Variants in UVRAG observed in about 807,000 individuals in gnomAD.
UVRAG encodes the protein UV radiation resistance associated.
A neutral mutation model predicts 78.0 loss-of-function variants in UVRAG; 19 were observed. The ratio of observed to expected loss-of-function variants is 0.24; its 90% CI spans 0.17 to 0.36. The LOEUF (loss-of-function observed/expected upper bound fraction) is 0.36, where lower values mean the gene tolerates loss of function less well. Ranked by LOEUF, UVRAG falls within the 10% of genes least tolerant of loss-of-function variation. The pLI is 1.00. For synonymous variants in UVRAG, 323 were observed against 324.6 expected, an observed-to-expected ratio of 1.00 and a Z score of 0.05; for missense variants, 740 against 853.8, an observed-to-expected ratio of 0.87 and a Z score of 1.66.
intron 12 of UVRAG, among the ~76,000 whole-genome samples, chr11:76,050,500 A>G (rs1950844097): frequency 6.6e-6 from 1 of 152,200 alleles, no homozygotes; most frequent in South Asian, 2.1e-4. Context: ...TTCAGGAAGT[A>G]AGACATTTGT....
intron 14 of UVRAG, among the ~76,000 whole-genome samples, chr11:76,116,742 GT>G (rs1424653311): frequency 1.3e-5 from 2 of 152,238 alleles, no homozygotes; most frequent in African/African-American, 4.8e-5. Context: ...GGCCTGTAGA[GT>G]TAGACAGCTG....
chr11:76,129,547 A>T (rs764646396), intron 14 of UVRAG, among the ~76,000 whole-genome samples: 1 of 152,126 alleles, frequency 6.6e-6, no homozygotes, highest in Non-Finnish European at 1.5e-5. Context: ...GCGTTTTTCT[A>T]CCAGTCTTCC....
chr11:75,843,312 G>A (rs1023059342), intron 1 of UVRAG, among the ~76,000 whole-genome samples: 1 of 152,112 alleles, frequency 6.6e-6, no homozygotes, highest in Non-Finnish European at 1.5e-5. Flanking sequence ...TCTAAAATAC[G>A]GGTATGTTTA....
intron 14 of UVRAG, among the ~76,000 whole-genome samples, chr11:76,132,064 CTG>C (rs1650099683): frequency 1.3e-5 from 2 of 152,262 alleles, no homozygotes; most frequent in South Asian, 2.1e-4. Flanking sequence ...TTTTGGCACT[CTG>C]TGCAAGCCTG....
chr11:76,060,055 C>T (rs1377731194), intron 12 of UVRAG, among the ~76,000 whole-genome samples: 5 of 152,078 alleles, frequency 3.3e-5, no homozygotes, highest in Non-Finnish European at 7.4e-5. Context: ...GTAGAAATGT[C>T]TGGGTTGGTG....
intron 14 of UVRAG, among the ~76,000 whole-genome samples, chr11:76,136,772 A>G (rs669928): frequency 6.6e-6 from 1 of 152,128 alleles, no homozygotes; most frequent in Non-Finnish European, 1.5e-5. Context: ...TGCTGGGATC[A>G]CAGGTGTTAG....
chr11:75,883,366 GA>G (rs1374757895), intron 4 of UVRAG, among the ~76,000 whole-genome samples: 39 of 30,832 alleles, frequency 1.3e-3, no homozygotes, highest in African/African-American at 5.6e-3. Context: ...GAGTAACAGA[GA>G]ACAAAAAAAA....
chr11:75,817,620 G>A (rs1256326369), intron 1 of UVRAG, among the ~76,000 whole-genome samples: 1 of 152,048 alleles, frequency 6.6e-6, no homozygotes, highest in Non-Finnish European at 1.5e-5. Flanking sequence ...CAGATTTTTA[G>A]TGTATAAATA....
chr11:76,140,600 T>C (rs565768532), intron 14 of UVRAG, 111 bp from the exon 15 acceptor site: 20 of 1,058,742 alleles, frequency 1.9e-5, no homozygotes, highest in East Asian at 4.9e-5. Context: ...TTGATTCTTA[T>C]CTATTTTTAT....
intron 13 of UVRAG, among the ~76,000 whole-genome samples, chr11:76,075,202 T>A (rs138286993): frequency 1.8e-4 from 28 of 152,312 alleles, no homozygotes; most frequent in Middle Eastern, 3.4e-3. Flanking sequence ...TTTCCCCAAC[T>A]ACTGCATACA....
At chr11:75,861,657 C>A in intron 2 of UVRAG, 89 bp from the exon 3 acceptor site, 2 of 850,004 alleles carry the variant, frequency 2.4e-6, no homozygotes, top group South Asian at 3.3e-5. Flanking sequence ...TTTACTGCAA[C>A]ATATGTTAAA....
chr11:76,045,719 G>A (rs1161996551), intron 12 of UVRAG, among the ~76,000 whole-genome samples: 9 of 146,160 alleles, frequency 6.2e-5, no homozygotes, highest in African/African-American at 9.9e-5. Context: ...AAAAAAAGCC[G>A]GAGATCAAAG....
intron 11 of UVRAG, among the ~76,000 whole-genome samples, chr11:76,016,607 G>A (rs1207956292): frequency 6.6e-6 from 1 of 151,916 alleles, no homozygotes; most frequent in Non-Finnish European, 1.5e-5. Context: ...TTAATTATTG[G>A]GAAATAGTTT....
At chr11:76,066,884 G>T (rs1218238972) in intron 13 of UVRAG, among the ~76,000 whole-genome samples, 1 of 152,150 alleles carries the variant, frequency 6.6e-6, no homozygotes, top group Non-Finnish European at 1.5e-5. Flanking sequence ...TAAATACATT[G>T]TGAGCTATAT....
rs564183966 is a variant in UVRAG at position 75,912,020 on chromosome 11, G to A, written c.574G>A (p.Asp192Asn). The A allele has an allele frequency of 2.4e-5, 38 of 1,611,860 alleles. No homozygotes were observed. In the East Asian group the frequency reaches 4.2e-4, roughly 18 times the overall value. ...VDQNCVRNSY[D>N]VFSLLRLHRA... ...TCAGAACTGTGTTCGCAATTCTTACGATGTCTTCTCTTTGCTACGGTAAGA... is the reference window on the plus strand; with the variant it reads ...TCAGAACTGTGTTCGCAATTCTTACAATGTCTTCTCTTTGCTACGGTAAGA... The change falls in exon 6 of 15, where the codon GAT (aspartate) becomes AAT (asparagine). Residue 192 changes from aspartate to asparagine, a missense_variant. Coordinates refer to ENST00000356136, the MANE Select transcript of UVRAG (RefSeq NM_003369.4).
At chr11:76,114,425 G>C (rs1004496316) in intron 13 of UVRAG, among the ~76,000 whole-genome samples, 3 of 152,164 alleles carry the variant, frequency 2.0e-5, no homozygotes, top group African/African-American at 7.2e-5. Context: ...AGAGTAGCAT[G>C]GTTTGTGAAA....
At chr11:76,017,932 AGAACAAAGAATAAGAGAAAG>A (rs1003623610) in intron 12 of UVRAG, among the ~76,000 whole-genome samples, 2 of 152,232 alleles carry the variant, frequency 1.3e-5, no homozygotes, top group African/African-American at 2.4e-5. Context: ...AATACAGTAC[AGAACAAAGAATAAGAGAAAG>A]GAACAAAGAA....
intron 14 of UVRAG, among the ~76,000 whole-genome samples, chr11:76,129,000 A>G (rs544291180): frequency 6.6e-6 from 1 of 152,320 alleles, no homozygotes; most frequent in East Asian, 1.9e-4. Flanking sequence ...TCAAGTGACT[A>G]TTACTGCAAA....
At chr11:76,100,840 G>C (rs1397122103) in intron 13 of UVRAG, among the ~76,000 whole-genome samples, 1 of 151,990 alleles carries the variant, frequency 6.6e-6, no homozygotes, top group East Asian at 1.9e-4. Context: ...GCTCCCACTT[G>C]CAAGTGAGAA....
Sources: allele counts gnomAD v4.1 joint callset (sites outside exome capture counted in the v4.1 genomes callset), GRCh38; gene constraint gnomAD v4.1.1; transcripts MANE v1.5; gene names NCBI Gene and HGNC (gene_info 2026-07-23, HGNC 2026-07-21).